NRXN3: variants seen among roughly 807,000 people sequenced by gnomAD.
NRXN3 encodes the protein neurexin 3.
In NRXN3, 32 loss-of-function variants were observed where a neutral mutation model predicts 137.6. The observed-to-expected ratio is 0.23, with a 90% CI of 0.18 to 0.31. The LOEUF is 0.31. NRXN3 is among the 10% of genes least tolerant of loss of function. The pLI is 1.00. For synonymous variants in NRXN3, 798 were observed against 784.5 expected, an observed-to-expected ratio of 1.02 and a Z score of -0.29; for missense variants, 1,574 against 2,062.5, an observed-to-expected ratio of 0.76 and a Z score of 4.59.
chr14:78,880,622 T>C (rs2099126454), intron 10 of NRXN3, among the ~76,000 whole-genome samples: 1 of 151,914 alleles, frequency 6.6e-6, no homozygotes, highest in South Asian at 2.1e-4. Flanking sequence ...GGGTGGAAAA[T>C]GGATTCAGAG....
chr14:79,712,906 C>CATT (rs1458161218), intron 19 of NRXN3, among the ~76,000 whole-genome samples: 2 of 152,150 alleles, frequency 1.3e-5, no homozygotes, highest in African/African-American at 4.8e-5. Context: ...TTTATTTCCT[C>CATT]ATTTTCAAGG....
At chr14:78,977,990 TC>T (rs746800577) in intron 14 of NRXN3, among the ~76,000 whole-genome samples, 10 of 152,172 alleles carry the variant, frequency 6.6e-5, no homozygotes, top group Non-Finnish European at 1.3e-4. Context: ...CATGAAGCCA[TC>T]TCAGTCAACC....
At chr14:79,769,521 C>A (rs2099069222) in intron 19 of NRXN3, among the ~76,000 whole-genome samples, 1 of 152,096 alleles carries the variant, frequency 6.6e-6, no homozygotes, top group Non-Finnish European at 1.5e-5. Flanking sequence ...TCCAGCCAAA[C>A]TAAGCTTCAT....
At chr14:78,869,223 T>G (rs1457551114) in intron 10 of NRXN3, among the ~76,000 whole-genome samples, 1 of 152,190 alleles carries the variant, frequency 6.6e-6, no homozygotes, top group Non-Finnish European at 1.5e-5. Flanking sequence ...AAATCAATTG[T>G]CAATCAATTG....
chr14:78,470,471 C>T (rs1454727500), intron 4 of NRXN3, among the ~76,000 whole-genome samples: 3 of 151,850 alleles, frequency 2.0e-5, no homozygotes, highest in African/African-American at 7.3e-5. Flanking sequence ...CCATAATCCT[C>T]GTCAGTAATC....
intron 1 of NRXN3, among the ~76,000 whole-genome samples, chr14:78,194,071 G>A (rs748606108): frequency 1.1e-4 from 16 of 152,304 alleles, no homozygotes; most frequent in African/African-American, 3.8e-4. Flanking sequence ...TGGAGGTAAC[G>A]CACGCTGGGT....
chr14:78,869,602 A>G (rs917134480), intron 10 of NRXN3, among the ~76,000 whole-genome samples: 1 of 152,140 alleles, frequency 6.6e-6, no homozygotes, highest in African/African-American at 2.4e-5. Flanking sequence ...TCATGCCTCC[A>G]TACCTTTTCC....
intron 15 of NRXN3, among the ~76,000 whole-genome samples, chr14:79,383,093 C>T (rs1169635182): frequency 6.6e-6 from 1 of 152,048 alleles, no homozygotes; most frequent in Non-Finnish European, 1.5e-5. Context: ...TGGCACTGGT[C>T]TCTTGTTTCT....
At chr14:79,774,374 C>T (rs1448153265) in intron 19 of NRXN3, among the ~76,000 whole-genome samples, 1 of 152,132 alleles carries the variant, frequency 6.6e-6, no homozygotes, top group Non-Finnish European at 1.5e-5. Context: ...CTCTGCCAGG[C>T]TTATGGCGAC....
At chr14:78,173,335 G>T (rs1251906541) in intron 1 of NRXN3, among the ~76,000 whole-genome samples, 3 of 152,060 alleles carry the variant, frequency 2.0e-5, no homozygotes, top group Admixed American at 2.0e-4. Flanking sequence ...GGTTAATTTG[G>T]TGAGGGGGCT....
chr14:79,668,675 T>C (rs919696290), intron 17 of NRXN3, among the ~76,000 whole-genome samples: 2 of 152,136 alleles, frequency 1.3e-5, no homozygotes, highest in Non-Finnish European at 2.9e-5. Flanking sequence ...CATTTGGGGC[T>C]GGACACATCT....
At position 79,585,688 on chromosome 14, in the gene NRXN3, AAAAAAC is replaced by A. The variant is rs1373046175; in HGVS notation, c.3445-78084_3445-78079del. On this transcript the variant is annotated intron_variant, in intron 16 of 20. Coordinates refer to ENST00000335750, the MANE Select transcript of NRXN3 (RefSeq NM_001330195.2). Reference sequence around the variant, plus strand: ...GACAGAGCGAGACTCCATCTTAAAAAAAAAACAAAAAAAAAAAAAACCAACTTTGAT... The same window carrying A: ...GACAGAGCGAGACTCCATCTTAAAAAAAAAAAAAAAAAAACCAACTTTGAT... Among the ~76,000 whole-genome samples the A allele has an allele frequency of 8.6e-4, 101 of 117,960 alleles. 1 individual carries two copies. The East Asian group carries it at 0.012, about 14-fold the overall frequency. 77.4% of individuals were successfully genotyped at this position (117,960 alleles called of 152,430 possible). A position where few individuals can be genotyped will look rare whatever the true frequency, so the allele number is the denominator to read the frequency against.
At chr14:79,307,143 CT>C (rs1374902838) in intron 15 of NRXN3, among the ~76,000 whole-genome samples, 1 of 152,046 alleles carries the variant, frequency 6.6e-6, no homozygotes, top group Non-Finnish European at 1.5e-5. Context: ...TAAGAATGAT[CT>C]TATTTCTTCC....
At chr14:79,028,968 C>T (rs150808370) in intron 15 of NRXN3, among the ~76,000 whole-genome samples, 17 of 152,070 alleles carry the variant, frequency 1.1e-4, no homozygotes, top group African/African-American at 3.6e-4. Flanking sequence ...AGGCTATGCT[C>T]AGCCAGTCTG....
At chr14:79,081,670 G>T (rs2047043439) in intron 15 of NRXN3, among the ~76,000 whole-genome samples, 1 of 151,286 alleles carries the variant, frequency 6.6e-6, no homozygotes, top group African/African-American at 2.4e-5. Flanking sequence ...TCTAATGAAG[G>T]AGACAGATGT....
rs1567520167 is a variant in NRXN3, at chr14:79,565,293, A to ATACATATACACG, written c.3444+97892_3444+97893insACATATACACGT. ...TGTGTGTGTATACATATACGCACACATGTGTATATACATATACACACACAT... is the reference window on the plus strand; with the variant it reads ...TGTGTGTGTATACATATACGCACACATACATATACACGTGTGTATATACATATACACACACAT... On this transcript the variant is annotated intron_variant, in intron 16 of 20. Transcript: ENST00000335750. 6.9e-3 allele frequency among the ~76,000 whole-genome samples: 902 copies of ATACATATACACG among 130,120 alleles called. 10 individuals are homozygous for ATACATATACACG. Among genetic ancestry groups the ATACATATACACG allele is most frequent in the Middle Eastern group, 0.037 (9 of 240 alleles). The allele number at this position is 130,120 out of a possible 152,430, so 85.4% of individuals were successfully genotyped here.
intron 15 of NRXN3, among the ~76,000 whole-genome samples, chr14:79,231,152 T>C (rs1360257882): frequency 6.6e-6 from 1 of 152,158 alleles, no homozygotes; most frequent in Non-Finnish European, 1.5e-5. Context: ...GATCATGCCA[T>C]CGGGCTGTCT....
At chr14:79,002,363 C>G (rs1435058462) in intron 15 of NRXN3, among the ~76,000 whole-genome samples, 1 of 152,082 alleles carries the variant, frequency 6.6e-6, no homozygotes, top group Non-Finnish European at 1.5e-5. Flanking sequence ...AATGCTCTCC[C>G]TCCTCTGATC....
chr14:79,681,296 C>T (rs2098668836), intron 17 of NRXN3, among the ~76,000 whole-genome samples: 1 of 152,150 alleles, frequency 6.6e-6, no homozygotes, highest in Admixed American at 6.5e-5. Flanking sequence ...TTTACCCACT[C>T]TCGGACCCCT....
Sources: gnomAD v4.1 joint callset for allele counts (sites outside exome capture counted in the v4.1 genomes callset) on GRCh38, gnomAD v4.1.1 for gene constraint, MANE v1.5 for transcripts, NCBI Gene and HGNC (gene_info 2026-07-23, HGNC 2026-07-21) for gene names.